CDH4: variants seen among roughly 807,000 people sequenced by gnomAD.
CDH4 encodes the protein cadherin-4.
Under a neutral mutation model 86.0 loss-of-function variants are expected in CDH4, and 33 were observed. The ratio of observed to expected loss-of-function variants is 0.38; its 90% confidence interval spans 0.29 to 0.51. The LOEUF is 0.51. Among genes scored for constraint, CDH4 ranks in the 20% least tolerant of loss-of-function variants. The pLI is 0.86. For missense variants in CDH4, 1,114 were observed against 1,307.4 expected, an observed-to-expected ratio of 0.85 and a Z score of 2.28; for synonymous variants, 555 against 549.4, an observed-to-expected ratio of 1.01 and a Z score of -0.14.
At chr20:61,302,277 C>T (rs986744195) in intron 2 of CDH4, among the ~76,000 whole-genome samples, 4 of 152,224 alleles carry the variant, frequency 2.6e-5, no homozygotes, top group Admixed American at 1.3e-4. Context: ...GACCTTGTCA[C>T]GTTCCTGTGT....
chr20:61,330,783 G>A (rs1200824015), intron 2 of CDH4, among the ~76,000 whole-genome samples: 2 of 152,172 alleles, frequency 1.3e-5, no homozygotes, highest in South Asian at 2.1e-4. Flanking sequence ...AAAGTTGCAC[G>A]GCTCTTTGCA....
intron 2 of CDH4, among the ~76,000 whole-genome samples, chr20:61,656,614 G>A (rs1006966597): frequency 5.3e-5 from 8 of 152,158 alleles, no homozygotes; most frequent in Admixed American, 1.3e-4. Flanking sequence ...GGTCATAGGG[G>A]CCTCTGGGCT....
chr20:61,610,724 TG>T (rs2086678926), intron 2 of CDH4, among the ~76,000 whole-genome samples: 2 of 152,160 alleles, frequency 1.3e-5, no homozygotes, highest in Non-Finnish European at 1.5e-5. Context: ...CATGTGATAG[TG>T]TCCGTGTTGA....
intron 3 of CDH4, among the ~76,000 whole-genome samples, chr20:61,761,619 C>T (rs544353395): frequency 3.3e-4 from 50 of 152,296 alleles, no homozygotes; most frequent in Non-Finnish European, 5.7e-4. Flanking sequence ...TGCCAACACC[C>T]GGGAGCCTGA....
At chr20:61,407,525 T>C (rs946592894) in intron 2 of CDH4, among the ~76,000 whole-genome samples, 1 of 152,180 alleles carries the variant, frequency 6.6e-6, no homozygotes, top group African/African-American at 2.4e-5. Flanking sequence ...TACAACCACT[T>C]TAGAAAAGAC....
chr20:61,833,603 C>T (rs1981725623), intron 4 of CDH4, among the ~76,000 whole-genome samples: 1 of 119,680 alleles, frequency 8.4e-6, no homozygotes, highest in Non-Finnish European at 2.2e-5. Context: ...GTATTCAACC[C>T]ACATTACTAA....
intron 2 of CDH4, among the ~76,000 whole-genome samples, chr20:61,735,162 C>A (rs2088246611): frequency 1.3e-5 from 2 of 152,168 alleles, no homozygotes; most frequent in Non-Finnish European, 2.9e-5. Context: ...TCGGGACCCA[C>A]TCCAGGGAGA....
chr20:61,381,830 C>T (rs981728131), intron 2 of CDH4, among the ~76,000 whole-genome samples: 6 of 152,122 alleles, frequency 3.9e-5, no homozygotes, highest in Non-Finnish European at 7.4e-5. Context: ...AATCCTAGCA[C>T]TTTGAGAAGC....
At chr20:61,682,964 A>G (rs372396334) in intron 2 of CDH4, among the ~76,000 whole-genome samples, 20 of 151,918 alleles carry the variant, frequency 1.3e-4, no homozygotes, top group Non-Finnish European at 2.1e-4. Flanking sequence ...ATGTATAAGA[A>G]CCAATTGTGA....
chr20:61,289,514 T>C (rs985248942), intron 2 of CDH4, among the ~76,000 whole-genome samples: 1 of 152,208 alleles, frequency 6.6e-6, no homozygotes, highest in Non-Finnish European at 1.5e-5. Flanking sequence ...AAACAATCTC[T>C]GTTCTGGTGC....
At chr20:61,806,541 G>T (rs1980138002) in intron 4 of CDH4, among the ~76,000 whole-genome samples, 1 of 149,110 alleles carries the variant, frequency 6.7e-6, no homozygotes, top group East Asian at 2.0e-4. Flanking sequence ...GCACACACAT[G>T]TCCACGCGCA....
intron 2 of CDH4, among the ~76,000 whole-genome samples, chr20:61,431,036 CTG>C (rs1321927878): frequency 6.6e-6 from 1 of 152,224 alleles, no homozygotes; most frequent in Non-Finnish European, 1.5e-5. Flanking sequence ...GATCCAGAGA[CTG>C]TGTTGCTGTG....
intron 2 of CDH4, among the ~76,000 whole-genome samples, chr20:61,545,227 C>T (rs2086069188): frequency 6.6e-6 from 1 of 152,238 alleles, no homozygotes; most frequent in Non-Finnish European, 1.5e-5. Context: ...TTTAAAAAGA[C>T]CGAGCAGTTT....
intron 3 of CDH4, among the ~76,000 whole-genome samples, chr20:61,747,825 GAA>G (rs2088436337): frequency 6.6e-6 from 1 of 151,960 alleles, no homozygotes; most frequent in Non-Finnish European, 1.5e-5. Context: ...GGGGGAGAGA[GAA>G]AATGGGGCAG....
rs548324642 is a variant in CDH4, at chr20:61,594,193, C to A, written c.170-149370C>A. ...GGGGGAAAGGGGGTGGGGGACTGAC[C>A]TGAGCAGGGGAAAGGGGTCAGGGTG... is the stretch of plus-strand genomic sequence containing the variant. On this transcript the variant is annotated intron_variant, in intron 2 of 15. Coordinates refer to ENST00000614565, the MANE Select transcript of CDH4 (RefSeq NM_001794.5). Among the ~76,000 whole-genome samples the A allele has an allele frequency of 8.6e-5, 9 of 104,966 alleles. No homozygotes were observed. The East Asian group carries it at 1.9e-3, about 22-fold the overall frequency. The allele number at this position is 104,966 out of a possible 152,430, so 68.9% of individuals were successfully genotyped here.
intron 13 of CDH4, among the ~76,000 whole-genome samples, chr20:61,930,678 C>G (rs2055096248): frequency 6.6e-6 from 1 of 152,242 alleles, no homozygotes; most frequent in South Asian, 2.1e-4. Context: ...GTTATGAGGA[C>G]TCTGCTTTTT....
At chr20:61,823,272 A>ATGATGGTGATGATAGTGTTGATGGTGG (rs1981140919) in intron 4 of CDH4, among the ~76,000 whole-genome samples, 1 of 1,178 alleles carries the variant, frequency 8.5e-4, no homozygotes, top group Non-Finnish European at 2.0e-3. Context: ...AATGGTGGTG[A>ATGATGGTGATGATAGTGTTGATGGTGG]TGATGGTGTT....
intron 5 of CDH4, among the ~76,000 whole-genome samples, chr20:61,845,744 G>A (rs1374487091): frequency 2.0e-5 from 3 of 152,230 alleles, no homozygotes; most frequent in African/African-American, 7.2e-5. Flanking sequence ...TGCTGTCAGG[G>A]CCGTGTGCTT....
In CDH4 at chr20:61,629,884, C is replaced by T. The variant is rs182018990; in HGVS notation, c.170-113679C>T. Among the ~76,000 whole-genome samples, 288 of 152,300 alleles carry T rather than the reference C, an allele frequency of 1.9e-3. 3 individuals carry two copies. The highest frequency in any genetic ancestry group is 6.6e-3 in the African/African-American group (275 of 41,566). On this transcript the variant is annotated intron_variant, in intron 2 of 15. Coordinates refer to ENST00000614565, the MANE Select transcript of CDH4 (RefSeq NM_001794.5). ...GCCTCTGCAAATGGAACCAGCTGAA[C>T]AGGAGGCAGAGGGTGAGAGTCAGGG...
Sources: allele counts gnomAD v4.1 joint callset (sites outside exome capture counted in the v4.1 genomes callset), GRCh38; gene constraint gnomAD v4.1.1; transcripts MANE v1.5; gene names NCBI Gene and HGNC (gene_info 2026-07-23, HGNC 2026-07-21).